Variants in PTPRD observed in about 807,000 individuals in gnomAD.
PTPRD encodes the protein receptor-type tyrosine-protein phosphatase delta.
A neutral mutation model predicts 214.5 loss-of-function variants in PTPRD; 34 were observed. The ratio of observed to expected loss-of-function variants is 0.16; its 90% CI spans 0.12 to 0.21. The LOEUF is 0.21. Ranked by LOEUF, PTPRD falls within the 10% of genes least tolerant of loss-of-function variation. PTPRD has a pLI of 1.00. For missense variants in PTPRD, 2,545 were observed against 2,398.7 expected (o/e 1.06, Z -1.27); for synonymous variants, 1,128 against 845.7 (o/e 1.33, Z -5.79).
intron 14 of PTPRD, among the ~76,000 whole-genome samples, chr9:8,629,220 T>G (rs1305301603): frequency 1.3e-5 from 2 of 151,856 alleles, no homozygotes; most frequent in Admixed American, 1.3e-4. Context: ...AGGGAGGTTA[T>G]GTAAGTAAGA....
At chr9:10,344,083 T>A (rs1337702097) in intron 2 of PTPRD, among the ~76,000 whole-genome samples, 3 of 150,958 alleles carry the variant, frequency 2.0e-5, no homozygotes, top group African/African-American at 7.3e-5. Flanking sequence ...TTTTGGTGTT[T>A]TAGACATGAA....
intron 4 of PTPRD, among the ~76,000 whole-genome samples, chr9:10,017,051 A>G (rs1390015647): frequency 3.3e-5 from 5 of 152,174 alleles, no homozygotes; most frequent in Non-Finnish European, 7.3e-5. Context: ...AGAAAATATC[A>G]AATTGTTTTC....
chr9:8,369,968 T>A (rs1226686972), intron 39 of PTPRD, among the ~76,000 whole-genome samples: 1 of 152,070 alleles, frequency 6.6e-6, no homozygotes, highest in Non-Finnish European at 1.5e-5. Context: ...ATAGAATATG[T>A]GGTTTAGAAT....
intron 12 of PTPRD, among the ~76,000 whole-genome samples, chr9:8,704,493 T>C (rs1389252193): frequency 6.6e-6 from 1 of 152,148 alleles, no homozygotes; most frequent in African/African-American, 2.4e-5. Context: ...TCCTAGCTCA[T>C]TACGTAGAGT....
At chr9:10,590,367 A>C (rs1322289) in intron 2 of PTPRD, among the ~76,000 whole-genome samples, 1 of 151,778 alleles carries the variant, frequency 6.6e-6, no homozygotes, top group Non-Finnish European at 1.5e-5. Flanking sequence ...CCTATTTTAA[A>C]TGAGCAGTTT....
rs996458353 is a variant in PTPRD, at chr9:8,497,199, C to G, written c.2349+43G>C. On this transcript the variant is annotated intron_variant, in intron 26 of 45. Transcript: ENST00000381196. ...GTGAAAGGATGTCAGAGAAAACAAG[C>G]ATATATAGTCTGCTTTTGACAAAAC... The G allele has an allele frequency of 8.5e-6, 13 of 1,524,462 alleles. No individual in the cohort carries two copies. In the African/African-American group the frequency reaches 1.7e-4, roughly 20 times the overall value. 94.4% of individuals were successfully genotyped at this position (1,524,462 alleles called of 1,614,324 possible).
chr9:9,757,723 CATATAA>C lies in PTPRD; in HGVS notation c.-326+9081_-326+9086del, dbSNP rs557034395. 5.0e-4 allele frequency among the ~76,000 whole-genome samples: 76 copies of C among 152,206 alleles called. 1 individual carries two copies. The South Asian group carries it at 0.015, about 30-fold the overall frequency. ...TTATGCATTCTATTATTCAGTTTCTCATATAAATATAAGAAAGGATATGCCTATCTT... is the reference window on the plus strand; with the variant it reads ...TTATGCATTCTATTATTCAGTTTCTCATATAAGAAAGGATATGCCTATCTT... On this transcript the variant is annotated intron_variant, in intron 6 of 45. Coordinates refer to ENST00000381196, the MANE Select transcript of PTPRD (RefSeq NM_002839.4).
chr9:8,825,806 AACTTCCG>A (rs775564291), intron 11 of PTPRD, among the ~76,000 whole-genome samples: 8 of 72,284 alleles, frequency 1.1e-4, no homozygotes, highest in Non-Finnish European at 2.1e-4. Flanking sequence ...CATATAGAGT[AACTTCCG>A]ACATTCCCAT....
At chr9:8,832,940 T>C (rs2097329019) in intron 11 of PTPRD, among the ~76,000 whole-genome samples, 2 of 152,126 alleles carry the variant, frequency 1.3e-5, no homozygotes, top group South Asian at 4.1e-4. Flanking sequence ...CTCATAAATT[T>C]AATATCTACT....
intron 32 of PTPRD, 127 bp from the exon 33 acceptor site, chr9:8,460,698 G>T: frequency 1.2e-6 from 1 of 853,676 alleles, no homozygotes; most frequent in Non-Finnish European, 1.7e-6. Flanking sequence ...TGCAATATTA[G>T]CAAAACAGAG....
intron 5 of PTPRD, chr9:9,803,718 A>G (rs1465460752): frequency 6.6e-6 from 1 of 152,118 alleles, no homozygotes; most frequent in East Asian, 1.9e-4. Flanking sequence ...TTCTTTCAGG[A>G]AAGAAACTGG....
intron 7 of PTPRD, among the ~76,000 whole-genome samples, chr9:9,675,459 G>A (rs535254116): frequency 6.6e-6 from 1 of 151,508 alleles, no homozygotes; most frequent in African/African-American, 2.4e-5. Flanking sequence ...AAAGCAAATT[G>A]TTTAAAAATA....
In PTPRD at chr9:9,736,722, C is replaced by G. The variant is rs1330411066; in HGVS notation, c.-325-2151G>C. On this transcript the variant is annotated intron_variant, in intron 6 of 45. Coordinates refer to ENST00000381196, the MANE Select transcript of PTPRD (RefSeq NM_002839.4). ...AGTGCATTTTCATATGTTTATTAGT[C>G]ATACACATGTGTATTCATCTGAGAA... 2.6e-5 allele frequency among the ~76,000 whole-genome samples: 4 copies of G among 151,872 alleles called. 1 individual carries two copies. The highest frequency in any genetic ancestry group is 5.9e-5 in the Non-Finnish European group (4 of 67,880).
At chr9:8,751,018 G>C (rs2093469290) in intron 11 of PTPRD, among the ~76,000 whole-genome samples, 1 of 152,128 alleles carries the variant, frequency 6.6e-6, no homozygotes, top group Non-Finnish European at 1.5e-5. Context: ...GCTCTATTGT[G>C]AAGTCTTTTG....
At chr9:10,088,503 G>C (rs2098385749) in intron 3 of PTPRD, among the ~76,000 whole-genome samples, 1 of 151,650 alleles carries the variant, frequency 6.6e-6, no homozygotes, top group African/African-American at 2.4e-5. Context: ...ATGAAGAAAG[G>C]CAGATATGAG....
At chr9:9,683,999 G>A (rs184042771) in intron 7 of PTPRD, among the ~76,000 whole-genome samples, 1 of 151,406 alleles carries the variant, frequency 6.6e-6, no homozygotes, top group African/African-American at 2.4e-5. Flanking sequence ...TGACAGTGAG[G>A]GCTTCTTTGT....
intron 2 of PTPRD, among the ~76,000 whole-genome samples, chr9:10,474,754 T>C (rs550416572): frequency 4.6e-5 from 7 of 152,004 alleles, no homozygotes; most frequent in Non-Finnish European, 8.8e-5. Context: ...ACTCAGCAAA[T>C]ACAAAAGAAT....
At position 9,584,359 on chromosome 9, in the gene PTPRD, C is replaced by CTTATTATTATTATTATTATTATTATT. The variant is rs1554649145; in HGVS notation, c.-286-9579_-286-9578insAATAATAATAATAATAATAATAATAA. 1.2e-3 allele frequency among the ~76,000 whole-genome samples: 181 copies of CTTATTATTATTATTATTATTATTATT among 149,206 alleles called. 3 individuals carry two copies. The highest frequency in any genetic ancestry group is 1.9e-3 in the Non-Finnish European group (126 of 67,370). On this transcript the variant is annotated intron_variant, in intron 7 of 45. Transcript: ENST00000381196. ...ACATTAAAACATTTTATTTCATCAC[C>CTTATTATTATTATTATTATTATTATT]ATTATTATTATTATTATTATTTGCT...
intron 25 of PTPRD, among the ~76,000 whole-genome samples, chr9:8,499,218 T>G (rs916359774): frequency 2.0e-5 from 3 of 152,206 alleles, no homozygotes; most frequent in African/African-American, 7.2e-5. Flanking sequence ...AAATGTCTAT[T>G]CTTCAGTGGA....
Sources: allele counts gnomAD v4.1 joint callset (sites outside exome capture counted in the v4.1 genomes callset), GRCh38; gene constraint gnomAD v4.1.1; transcripts MANE v1.5; gene names NCBI Gene and HGNC (gene_info 2026-07-23, HGNC 2026-07-21).